IGSF10: variants seen among roughly 807,000 people sequenced by gnomAD.
IGSF10 encodes immunoglobulin superfamily member 10.
Under a neutral mutation model 128.2 loss-of-function variants are expected in IGSF10, and 126 were observed. The ratio of observed to expected loss-of-function variants is 0.98; its 90% CI spans 0.85 to 1.14. IGSF10 has a LOEUF of 1.14. IGSF10 is among the 50% of genes most tolerant of loss of function. The pLI, the probability that IGSF10 is intolerant of heterozygous loss-of-function variation, is 0.00. For synonymous variants in IGSF10, 1,185 were observed against 1,146.2 expected (o/e 1.03, Z -0.68); for missense variants, 3,295 against 3,149.8 (o/e 1.05, Z -1.10).
At chr3:151,578,330 G>A in the IGSF10 span, among the ~76,000 whole-genome samples, 10 of 152,128 alleles carry the variant, frequency 6.6e-5, no homozygotes, top group Admixed American at 6.5e-4. Context: ...GTATCTTATG[G>A]CAAGTACTCA....
the IGSF10 span, among the ~76,000 whole-genome samples, chr3:151,609,659 A>G: frequency 2.0e-5 from 3 of 152,230 alleles, no homozygotes; most frequent in South Asian, 6.2e-4. Flanking sequence ...CTGTGCGGCA[A>G]TAAAGAGACT....
At chr3:151,588,521 C>A in the IGSF10 span, among the ~76,000 whole-genome samples, 1 of 152,178 alleles carries the variant, frequency 6.6e-6, no homozygotes, top group Non-Finnish European at 1.5e-5. Flanking sequence ...CATATACACA[C>A]TAATATTTTT....
chr3:151,461,546 G>C, upstream of IGSF10: 2 of 548,444 alleles, frequency 3.6e-6, no homozygotes, highest in Non-Finnish European at 4.6e-6. Context: ...GGTTACTATA[G>C]TGAAACAACA....
chr3:151,458,379 T>C, intron 3 of IGSF10, 137 bp downstream of exon 3: 1 of 619,694 alleles, frequency 1.6e-6, no homozygotes, highest in East Asian at 3.2e-5. Flanking sequence ...CAAACAAAAT[T>C]CTCATGAGCT....
At chr3:151,558,060 T>C in the IGSF10 span, among the ~76,000 whole-genome samples, 800 of 81,254 alleles carry the variant, frequency 9.8e-3, 18 homozygotes, top group African/African-American at 0.033. Context: ...ATGATTCTGT[T>C]AGGAAGAGCT....
intron 4 of IGSF10, among the ~76,000 whole-genome samples, chr3:151,456,139 G>A (rs562154921): frequency 8.5e-5 from 13 of 152,242 alleles, no homozygotes; most frequent in East Asian, 3.9e-4. Flanking sequence ...CTATTCCTCC[G>A]AAGACATACA....
At chr3:151,576,734 C>T in the IGSF10 span, among the ~76,000 whole-genome samples, 9,994 of 152,130 alleles carry the variant, frequency 0.066, 691 homozygotes, top group African/African-American at 0.18. Context: ...ACCAGTACCA[C>T]GAGAGTTTAC....
In IGSF10 at chr3:151,438,865, T is replaced by G. The variant is rs3856764; in HGVS notation, c.5964-268A>C. ...ATACATTTTGAGGTATATATATATA[T>G]AGAGAGAGAGAAATGACCACGATTA... is the stretch of plus-strand genomic sequence containing the variant. On this transcript the variant is annotated intron_variant, in intron 7 of 7. Transcript: ENST00000282466. Among the ~76,000 whole-genome samples the G allele has an allele frequency of 0.42, 63,626 of 150,396 alleles. 13,651 individuals are homozygous for G. The highest frequency in any genetic ancestry group is 0.58 in the East Asian group (2,979 of 5,144).
the IGSF10 span, among the ~76,000 whole-genome samples, chr3:151,491,472 G>A: frequency 6.6e-6 from 1 of 152,066 alleles, no homozygotes; most frequent in Admixed American, 6.6e-5. Context: ...CGGGTACTTG[G>A]GCAGCTGAGG....
At chr3:151,582,295 G>GT in the IGSF10 span, among the ~76,000 whole-genome samples, 1,423 of 116,758 alleles carry the variant, frequency 0.012, 83 homozygotes, top group African/African-American at 0.043. Context: ...AAATATCCGG[G>GT]GGGGGGGGCG....
Position 151,445,494 on chromosome 3 carries a change from C to A in IGSF10, c.4487G>T (p.Gly1496Val). Reference sequence around the variant, plus strand: ...CTTGACCACTGTATTTGTCATAAGCCCGGAAATGGGAGTCGCCACGTTGTC... The same window carrying A: ...CTTGACCACTGTATTTGTCATAAGCACGGAAATGGGAGTCGCCACGTTGTC... ...VTDNVATPIS[G>V]LMTNTVVKLH... The change falls in exon 6 of 8, where the codon GGG becomes GTG. Residue 1496 changes from glycine (G) to valine (V), a missense_variant. Transcript: ENST00000282466. The A allele has an allele frequency of 2.5e-6, 4 of 1,614,012 alleles. No individual in the cohort carries two copies. The East Asian group carries it at 8.9e-5, about 36-fold the overall frequency.
the IGSF10 span, among the ~76,000 whole-genome samples, chr3:151,597,686 G>A: frequency 6.6e-6 from 1 of 152,174 alleles, no homozygotes; most frequent in African/African-American, 2.4e-5. Context: ...GGAGGCTGAG[G>A]CGGGTGGATC....
Position 151,447,439 on chromosome 3 carries a change from A to G in IGSF10, c.2542T>C (p.Ser848Pro). 1.9e-6 allele frequency: 3 copies of G among 1,614,152 alleles called. No individual in the cohort carries two copies. The highest frequency in any genetic ancestry group is 2.5e-6 in the Non-Finnish European group (3 of 1,179,986). ...YGTEFSPVVNSQILPPEEPTD... is the reference protein window; with the variant it reads ...YGTEFSPVVNPQILPPEEPTD... ...GGTTCTTCAGGTGGTAGTATTTGTG[A>G]ATTCACAACAGGAGAGAATTCTGTG... Residue 848 changes from serine to proline, a missense_variant, in exon 6 of 8, where the codon TCA (serine) becomes CCA (proline). Coordinates refer to ENST00000282466, the MANE Select transcript of IGSF10 (RefSeq NM_178822.5).
Position 151,457,169 on chromosome 3 carries a change from T to C in IGSF10, c.195-14A>G, listed in dbSNP as rs772798673. On this transcript the variant is annotated splice_polypyrimidine_tract_variant and intron_variant, in intron 3 of 7. Coordinates refer to ENST00000282466, the MANE Select transcript of IGSF10 (RefSeq NM_178822.5). ...AAGCTGTTGTATCTGAAATAAAAAA[T>C]GACATTCTAGGCATAAGCTAAGTCT... 24 of 1,613,528 alleles carry C rather than the reference T, an allele frequency of 1.5e-5. No individual in the cohort carries two copies. Among genetic ancestry groups the C allele is most frequent in the Non-Finnish European group, 1.9e-5 (23 of 1,179,700 alleles).
At chr3:151,542,156 T>G in the IGSF10 span, among the ~76,000 whole-genome samples, 1 of 152,116 alleles carries the variant, frequency 6.6e-6, no homozygotes, top group Non-Finnish European at 1.5e-5. Context: ...GGCACTAAAC[T>G]CAAAACATTT....
the IGSF10 span, among the ~76,000 whole-genome samples, chr3:151,600,399 C>T: frequency 1.3e-5 from 2 of 151,920 alleles, no homozygotes; most frequent in African/African-American, 4.8e-5. Flanking sequence ...CATGTCTACA[C>T]GTATTATTTT....
In IGSF10 at chr3:151,437,809, G is replaced by C; in HGVS notation, c.6752C>G (p.Ala2251Gly). The C allele has an allele frequency of 1.2e-6, 2 of 1,613,748 alleles. No individual in the cohort carries two copies. Among genetic ancestry groups the C allele is most frequent in the East Asian group, 2.2e-5 (1 of 44,892 alleles). Reference sequence around the variant, plus strand: ...AAAGTGTTTTTTGGAATGTCTCACAGCTGTGGCTTTAATAACAGTTCTGTT... The same window carrying C: ...AAAGTGTTTTTTGGAATGTCTCACACCTGTGGCTTTAATAACAGTTCTGTT... ...YTNRTVIKAT[A>G]VRHSKKHFDC... The change falls in exon 8 of 8, where the codon GCT (alanine) becomes GGT (glycine). Residue 2251 changes from alanine (A) to glycine (G), a missense_variant. Physicochemically the swap from Ala to Gly is moderately conservative, Grantham distance 60. Coordinates refer to ENST00000282466, the MANE Select transcript of IGSF10 (RefSeq NM_178822.5).
At chr3:151,493,027 G>C in the IGSF10 span, among the ~76,000 whole-genome samples, 1 of 152,038 alleles carries the variant, frequency 6.6e-6, no homozygotes, top group Non-Finnish European at 1.5e-5. Flanking sequence ...CAATATGAAT[G>C]GACCTGGAGG....
At chr3:151,522,992 C>T in the IGSF10 span, among the ~76,000 whole-genome samples, 1 of 151,766 alleles carries the variant, frequency 6.6e-6, no homozygotes, top group Non-Finnish European at 1.5e-5. Flanking sequence ...AATCAATGTA[C>T]AAAAATCACT....
Sources: gnomAD v4.1 joint callset for allele counts (sites outside exome capture counted in the v4.1 genomes callset) on GRCh38, gnomAD v4.1.1 for gene constraint, MANE v1.5 for transcripts, NCBI Gene and HGNC (gene_info 2026-07-23, HGNC 2026-07-21) for gene names.